CALN1: variants seen among roughly 807,000 people sequenced by gnomAD.
CALN1 encodes calneuron 1, also known as calcium-binding protein 8.
A neutral mutation model predicts 30.6 loss-of-function variants in CALN1; 17 were observed. The ratio of observed to expected loss-of-function variants is 0.56; its 90% confidence interval spans 0.38 to 0.83. CALN1 has a LOEUF of 0.83. CALN1 is among the 40% of genes least tolerant of loss of function. The pLI is 0.00. For missense variants in CALN1, 291 were observed against 354.9 expected (o/e 0.82, Z 1.45); for synonymous variants, 156 against 131.4 (o/e 1.19, Z -1.28).
intron 3 of CALN1, among the ~76,000 whole-genome samples, chr7:72,182,490 A>G (rs530519744): frequency 6.6e-6 from 1 of 152,294 alleles, no homozygotes; most frequent in Non-Finnish European, 1.5e-5. Context: ...GAGGCCGAGA[A>G]GAGCAGATTA....
intron 3 of CALN1, among the ~76,000 whole-genome samples, chr7:72,132,320 G>A (rs1809207023): frequency 2.6e-5 from 4 of 152,104 alleles, no homozygotes; most frequent in Admixed American, 2.6e-4. Flanking sequence ...ATAATAAAGT[G>A]TTGAGTATCT....
At chr7:72,070,348 T>C (rs371167416) in intron 4 of CALN1, among the ~76,000 whole-genome samples, 21 of 152,270 alleles carry the variant, frequency 1.4e-4, no homozygotes, top group African/African-American at 4.8e-4. Context: ...AGGCAGAATA[T>C]ATGAGGTATG....
intron 5 of CALN1, among the ~76,000 whole-genome samples, chr7:71,956,589 A>C (rs1796974388): frequency 6.6e-6 from 1 of 151,914 alleles, no homozygotes; most frequent in Admixed American, 6.6e-5. Context: ...AGCCTCCCAA[A>C]GTGCTGGGAT....
rs1379304496 is a variant in CALN1 at position 72,209,549 on chromosome 7, T to TCCTCCCTC, written c.244+69129_244+69136dup. Reference sequence around the variant, plus strand: ...TTCCCTCCCTCTCTCCGCCCTCCGTTCCTCCCTCTCTCCCTCTCTTTCTCT... The same window carrying TCCTCCCTC: ...TTCCCTCCCTCTCTCCGCCCTCCGTTCCTCCCTCCCTCCCTCTCTCCCTCTCTTTCTCT... On this transcript the variant is annotated intron_variant, in intron 3 of 6. Transcript: ENST00000395275. 4.2e-5 allele frequency among the ~76,000 whole-genome samples: 4 copies of TCCTCCCTC among 95,310 alleles called. No individual in the cohort carries two copies. The East Asian group carries it at 1.6e-3, about 39-fold the overall frequency. 62.5% of individuals were successfully genotyped at this position (95,310 alleles called of 152,430 possible). A position where few individuals can be genotyped will look rare whatever the true frequency, so the allele number is the denominator to read the frequency against.
chr7:71,862,689 T>A (rs1038096806), intron 5 of CALN1, among the ~76,000 whole-genome samples: 1 of 152,218 alleles, frequency 6.6e-6, no homozygotes, highest in Non-Finnish European at 1.5e-5. Context: ...GGAAGATTCA[T>A]GCAATCTTGA....
chr7:72,350,219 A>T (rs747060384), intron 2 of CALN1, among the ~76,000 whole-genome samples: 2 of 152,220 alleles, frequency 1.3e-5, no homozygotes, highest in African/African-American at 2.4e-5. Flanking sequence ...TGTGGAAAGC[A>T]GTTTGGAGAT....
intron 3 of CALN1, among the ~76,000 whole-genome samples, chr7:72,122,327 G>A (rs1181529819): frequency 1.3e-5 from 2 of 152,118 alleles, no homozygotes; most frequent in African/African-American, 4.8e-5. Flanking sequence ...CAGGCCAGAA[G>A]AACAAAATCC....
Position 72,028,058 on chromosome 7 carries a change from C to CAAA in CALN1, c.389-4292_389-4290dup, listed in dbSNP as rs34092922. On this transcript the variant is annotated intron_variant, in intron 4 of 6. Transcript: ENST00000395275. ...TGGGCGACAGAGCGAGACTCCGTCT[C>CAAA]AAAAAAAAAAAAAAAAAAAAAAAAA... 2.7e-4 allele frequency among the ~76,000 whole-genome samples: 22 copies of CAAA among 82,868 alleles called. 1 individual carries two copies. Among genetic ancestry groups the CAAA allele is most frequent in the Non-Finnish European group, 4.1e-4 (15 of 36,900 alleles). 54.4% of individuals were successfully genotyped at this position (82,868 alleles called of 152,430 possible).
intron 2 of CALN1, among the ~76,000 whole-genome samples, chr7:72,281,974 T>C (rs962614263): frequency 1.3e-5 from 2 of 152,138 alleles, no homozygotes; most frequent in African/African-American, 4.8e-5. Flanking sequence ...TAGGTACACA[T>C]TCAGTTCATT....
intron 5 of CALN1, among the ~76,000 whole-genome samples, chr7:72,019,016 G>C (rs890359091): frequency 2.9e-5 from 4 of 138,982 alleles, no homozygotes; most frequent in African/African-American, 1.1e-4. Context: ...TTTTTTTTTT[G>C]TATTTTTTTT....
At chr7:72,306,557 T>A (rs1799665757) in intron 2 of CALN1, among the ~76,000 whole-genome samples, 1 of 151,790 alleles carries the variant, frequency 6.6e-6, no homozygotes. Flanking sequence ...CCTTCCAATC[T>A]GTACTTTCCT....
At chr7:72,064,606 TAGAC>T (rs997273800) in intron 4 of CALN1, among the ~76,000 whole-genome samples, 2 of 152,218 alleles carry the variant, frequency 1.3e-5, no homozygotes, top group Non-Finnish European at 2.9e-5. Context: ...TATTTTAACA[TAGAC>T]AGGGATGGTT....
chr7:72,375,067 T>C (rs945011035), intron 2 of CALN1, among the ~76,000 whole-genome samples: 1 of 152,332 alleles, frequency 6.6e-6, no homozygotes, highest in East Asian at 1.9e-4. Flanking sequence ...ATTGTCTTTA[T>C]TTACAGATGA....
intron 3 of CALN1, among the ~76,000 whole-genome samples, chr7:72,167,678 C>T (rs532663861): frequency 6.6e-6 from 1 of 152,334 alleles, no homozygotes; most frequent in African/African-American, 2.4e-5. Context: ...GTCACATGCT[C>T]TGTGAATTTG....
Position 71,932,608 on chromosome 7 carries a change from T to A in CALN1, c.501+91049A>T, listed in dbSNP as rs572526321. 2.6e-5 allele frequency among the ~76,000 whole-genome samples: 4 copies of A among 151,738 alleles called. No individual in the cohort carries two copies. The East Asian group carries it at 7.8e-4, about 30-fold the overall frequency. On this transcript the variant is annotated intron_variant, in intron 5 of 6. Transcript: ENST00000395275. ...GCGGGCGGATCACAACGTCAGGAGA[T>A]CAAGACCATCCTGGCTAACACGGTG...
intron 5 of CALN1, among the ~76,000 whole-genome samples, chr7:71,824,523 G>A (rs373329630): frequency 1.4e-4 from 21 of 152,040 alleles, no homozygotes; most frequent in African/African-American, 4.6e-4. Flanking sequence ...GCTGGCTGCC[G>A]GCTGCCTTGT....
At chr7:71,909,019 T>C (rs561851665) in intron 5 of CALN1, among the ~76,000 whole-genome samples, 4 of 152,164 alleles carry the variant, frequency 2.6e-5, no homozygotes, top group Non-Finnish European at 5.9e-5. Flanking sequence ...TATTGATTGA[T>C]TGATTGACTG....
At chr7:72,124,999 A>G (rs945511978) in intron 3 of CALN1, among the ~76,000 whole-genome samples, 18 of 152,166 alleles carry the variant, frequency 1.2e-4, no homozygotes, top group African/African-American at 4.3e-4. Flanking sequence ...TCAAGTGAAT[A>G]TCACCATAAT....
At chr7:71,925,516 T>G (rs1484259944) in intron 5 of CALN1, among the ~76,000 whole-genome samples, 1 of 151,600 alleles carries the variant, frequency 6.6e-6, no homozygotes, top group Non-Finnish European at 1.5e-5. Context: ...TGGTTGTTGT[T>G]TGGTCTGGAA....
Sources: allele counts gnomAD v4.1 joint callset (sites outside exome capture counted in the v4.1 genomes callset), GRCh38; gene constraint gnomAD v4.1.1; transcripts MANE v1.5; gene names NCBI Gene and HGNC (gene_info 2026-07-23, HGNC 2026-07-21).